Variants in ADAM9 observed in about 807,000 individuals in gnomAD.
ADAM9 encodes disintegrin and metalloproteinase domain-containing protein 9.
ADAM9 carries 54 observed loss-of-function variants against 108.1 expected under a neutral mutation model. That is an observed-to-expected ratio of 0.50 (90% CI 0.40 to 0.63). ADAM9 has a LOEUF of 0.63. ADAM9 is among the 20% of genes least tolerant of loss of function. ADAM9 has a pLI of 0.00. For missense variants in ADAM9, 830 were observed against 997.7 expected (o/e 0.83, Z 2.26); for synonymous variants, 316 against 336.0 (o/e 0.94, Z 0.65).
intron 9 of ADAM9, among the ~76,000 whole-genome samples, chr8:39,025,467 G>C (rs530677753): frequency 6.6e-6 from 1 of 152,038 alleles, no homozygotes; most frequent in Non-Finnish European, 1.5e-5. Context: ...CATTTCATTC[G>C]TTATCTGTCT....
At chr8:39,049,715 A>G (rs1182470691) in intron 12 of ADAM9, among the ~76,000 whole-genome samples, 1 of 152,228 alleles carries the variant, frequency 6.6e-6, no homozygotes, top group Non-Finnish European at 1.5e-5. Flanking sequence ...CTGGGATTAC[A>G]GGCGTGAGCC....
chr8:39,070,338 A>T (rs1282197274), intron 14 of ADAM9, among the ~76,000 whole-genome samples: 4 of 152,114 alleles, frequency 2.6e-5, no homozygotes, highest in Admixed American at 1.3e-4. Flanking sequence ...GCCTCCATTT[A>T]TCCTTCTGGA....
chr8:39,048,702 CTCTT>C (rs1336840462), intron 12 of ADAM9, among the ~76,000 whole-genome samples: 3 of 152,110 alleles, frequency 2.0e-5, no homozygotes, highest in African/African-American at 4.8e-5. Context: ...GTGTTGCTGT[CTCTT>C]TCTTTCTTCA....
rs1411728232 is a variant in ADAM9, at chr8:39,103,760, T to C, written c.*60T>C. On this transcript the variant is annotated 3_prime_UTR_variant, in exon 22 of 22. Transcript: ENST00000487273. ...GAACTGAGCTAATACTTTTTTTTTT[T>C]CTTGATGTTTTCTTGAAAAGCCTTT... is the stretch of plus-strand genomic sequence containing the variant. 9 of 1,494,910 alleles carry C rather than the reference T, an allele frequency of 6.0e-6. No individual in the cohort carries two copies. Among genetic ancestry groups the C allele is most frequent in the South Asian group, 3.4e-5 (3 of 88,448 alleles). The allele number at this position is 1,494,910 out of a possible 1,614,324, so 92.6% of individuals were successfully genotyped here. A position where few individuals can be genotyped will look rare whatever the true frequency, so the allele number is the denominator to read the frequency against.
chr8:39,042,693 A>G (rs982016765), intron 12 of ADAM9, among the ~76,000 whole-genome samples: 4 of 152,138 alleles, frequency 2.6e-5, no homozygotes, highest in Non-Finnish European at 5.9e-5. Flanking sequence ...GTTCATTTAT[A>G]TACAGTATAC....
intron 1 of ADAM9, among the ~76,000 whole-genome samples, chr8:38,998,967 G>A (rs1835914054): frequency 2.0e-5 from 3 of 152,212 alleles, no homozygotes; most frequent in Admixed American, 6.5e-5. Flanking sequence ...TTAAGTAGGG[G>A]TGCGACCTAA....
At chr8:39,020,975 T>G (rs921276900) in intron 7 of ADAM9, among the ~76,000 whole-genome samples, 1 of 152,234 alleles carries the variant, frequency 6.6e-6, no homozygotes, top group African/African-American at 2.4e-5. Flanking sequence ...CTTTTATTCT[T>G]TTATCTATGC....
At chr8:39,098,141 C>T (rs1257645749) in intron 20 of ADAM9, among the ~76,000 whole-genome samples, 1 of 151,746 alleles carries the variant, frequency 6.6e-6, no homozygotes, top group Non-Finnish European at 1.5e-5. Flanking sequence ...TTTAAATAGA[C>T]TATATTTTAA....
At position 39,104,186 on chromosome 8, in the gene ADAM9, A is replaced by G. The variant is rs147547357; in HGVS notation, c.*486A>G. On this transcript the variant is annotated 3_prime_UTR_variant, in exon 22 of 22. Coordinates refer to ENST00000487273, the MANE Select transcript of ADAM9 (RefSeq NM_003816.3). ...TATTTTTCATCATGCACGAATTAATAATCATCATACTCTAGAATCTTGTCT... is the reference window on the plus strand; with the variant it reads ...TATTTTTCATCATGCACGAATTAATGATCATCATACTCTAGAATCTTGTCT... The G allele has an allele frequency of 1.0e-3, 461 of 454,158 alleles. 5 individuals carry two copies. The highest frequency in any genetic ancestry group is 8.5e-3 in the African/African-American group (428 of 50,136). 28.1% of individuals were successfully genotyped at this position (454,158 alleles called of 1,614,324 possible).
rs894253784 is a variant in ADAM9 at position 39,104,950 on chromosome 8, A to G, written c.*1250A>G. 7 of 426,532 alleles carry G rather than the reference A, an allele frequency of 1.6e-5. No homozygotes were observed. The highest frequency in any genetic ancestry group is 1.1e-4 in the Admixed American group (4 of 35,022). 26.4% of individuals were successfully genotyped at this position (426,532 alleles called of 1,614,324 possible). On this transcript the variant is annotated 3_prime_UTR_variant, in exon 22 of 22. Coordinates refer to ENST00000487273, the MANE Select transcript of ADAM9 (RefSeq NM_003816.3). ...TTAAAAGTGTTTTTGGTTTGTGTAT[A>G]TATACATATACAAATACAACATTTA...
intron 1 of ADAM9, among the ~76,000 whole-genome samples, chr8:38,997,399 C>T (rs1032434352): frequency 9.2e-5 from 14 of 152,276 alleles, no homozygotes; most frequent in African/African-American, 3.4e-4. Flanking sequence ...GTGTCCTGTT[C>T]GATGGAGCCG....
intron 5 of ADAM9, among the ~76,000 whole-genome samples, chr8:39,016,817 AT>A: frequency 6.6e-6 from 1 of 152,290 alleles, no homozygotes; most frequent in African/African-American, 2.4e-5. Flanking sequence ...TTATTAAGTA[AT>A]TTTGTTTTCA....
intron 3 of ADAM9, 34 bp downstream of exon 3, chr8:39,011,750 A>C: frequency 4.5e-6 from 7 of 1,555,566 alleles, no homozygotes; most frequent in Non-Finnish European, 6.2e-6. Flanking sequence ...CTTTTCAGTA[A>C]TGTTTTTCCA....
chr8:39,017,114 T>A, intron 5 of ADAM9, 105 bp from the exon 6 acceptor site: 1 of 1,176,612 alleles, frequency 8.5e-7, no homozygotes. Context: ...TATGTAATGC[T>A]ATGCCTACTT....
chr8:39,050,948 TAGC>T (rs1386807749), intron 12 of ADAM9, among the ~76,000 whole-genome samples: 7 of 150,892 alleles, frequency 4.6e-5, no homozygotes, highest in African/African-American at 1.7e-4. Context: ...TTCAGGGGTC[TAGC>T]ACATACCAGC....
At chr8:39,050,570 T>C (rs1837925004) in intron 12 of ADAM9, among the ~76,000 whole-genome samples, 1 of 152,176 alleles carries the variant, frequency 6.6e-6, no homozygotes, top group South Asian at 2.1e-4. Flanking sequence ...TCCATTAAGT[T>C]GGTGTATTCT....
chr8:39,092,331 T>TACACACACACACACACACAC (rs71552833), intron 20 of ADAM9, among the ~76,000 whole-genome samples: 1 of 148,700 alleles, frequency 6.7e-6, no homozygotes, highest in African/African-American at 2.5e-5. Context: ...AATATATTTA[T>TACACACACACACACACACAC]ACACACACAC....
chr8:39,021,725 T>C lies in ADAM9; in HGVS notation c.744+11T>C, dbSNP rs774752455. The C allele has an allele frequency of 6.2e-7, 1 of 1,605,560 alleles. No individual in the cohort carries two copies. Among genetic ancestry groups the C allele is most frequent in the East Asian group, 2.2e-5 (1 of 44,820 alleles). The stretch of plus-strand genomic sequence containing the variant: ...AACTACTTGGATAGTGTAAGTTGTA[T>C]TTTCTATCAACCAGGATGATTCTGT... On this transcript the variant is annotated intron_variant, in intron 8 of 21. Coordinates refer to ENST00000487273, the MANE Select transcript of ADAM9 (RefSeq NM_003816.3).
chr8:39,002,264 C>T (rs1056014503), intron 1 of ADAM9, among the ~76,000 whole-genome samples: 1 of 150,878 alleles, frequency 6.6e-6, no homozygotes, highest in African/African-American at 2.4e-5. Context: ...GCAGGAGAAG[C>T]CCATGGTTTG....
Sources: allele counts gnomAD v4.1 joint callset (sites outside exome capture counted in the v4.1 genomes callset), GRCh38; gene constraint gnomAD v4.1.1; transcripts MANE v1.5; gene names NCBI Gene and HGNC (gene_info 2026-07-23, HGNC 2026-07-21).